The following CADM2 variants were observed in gnomAD, a reference collection of about 807,000 sequenced individuals.
CADM2 encodes cell adhesion molecule 2.
CADM2 carries 12 observed loss-of-function variants against 49.8 expected under a neutral mutation model. That is an observed-to-expected ratio of 0.24 (90% CI 0.15 to 0.39). CADM2 has a LOEUF of 0.39. Among genes scored for constraint, CADM2 ranks in the 10% least tolerant of loss-of-function variants. The pLI, the probability that CADM2 is intolerant of heterozygous loss-of-function variation, is 1.00. For missense variants in CADM2, 378 were observed against 492.3 expected (o/e 0.77, Z 2.20); for synonymous variants, 214 against 175.4 (o/e 1.22, Z -1.74).
chr3:85,961,493 G>A lies in CADM2; in HGVS notation c.816G>A (p.Lys272=), dbSNP rs1209547799. The A allele has an allele frequency of 6.2e-7, 1 of 1,604,764 alleles. No individual in the cohort carries two copies. The highest frequency in any genetic ancestry group is 1.1e-5 in the South Asian group (1 of 90,110). Residue 272 remains lysine, a synonymous_variant, in exon 8 of 10, where the codon AAG becomes AAA. Coordinates refer to ENST00000383699, the MANE Select transcript of CADM2 (RefSeq NM_001167675.2). ...KPLPEPVLWT[K]DGGELPDPDR... is the part of the protein sequence containing the mutation. ...GGCCAGAACCTGTTTTGTGGACAAA[G>A]GATGGCGGAGAATTACCAGATCCTG...
intron 1 of CADM2, among the ~76,000 whole-genome samples, chr3:85,218,809 A>G (rs2041987084): frequency 6.6e-6 from 1 of 152,166 alleles, no homozygotes; most frequent in African/African-American, 2.4e-5. Flanking sequence ...ATAAATAAAT[A>G]AAATTGTGTG....
chr3:85,290,878 C>G (rs143816937), intron 1 of CADM2, among the ~76,000 whole-genome samples: 1 of 152,176 alleles, frequency 6.6e-6, no homozygotes, highest in Non-Finnish European at 1.5e-5. Flanking sequence ...AAAAGCAGAG[C>G]GCCTCTCCTT....
At chr3:85,939,465 GAA>G (rs1491581148) in intron 7 of CADM2, among the ~76,000 whole-genome samples, 2 of 45,852 alleles carry the variant, frequency 4.4e-5, no homozygotes, top group Admixed American at 2.4e-4. Flanking sequence ...AAAAGTAAAC[GAA>G]AACACACACA....
chr3:85,797,595 T>C (rs2108055478), intron 2 of CADM2, among the ~76,000 whole-genome samples: 1 of 152,038 alleles, frequency 6.6e-6, no homozygotes, highest in South Asian at 2.1e-4. Context: ...AACTCATCCT[T>C]TTTTTATGGC....
chr3:85,070,988 CAATAAATAAATAAATA>C (rs375122307), intron 1 of CADM2, among the ~76,000 whole-genome samples: 4 of 143,306 alleles, frequency 2.8e-5, no homozygotes, highest in African/African-American at 5.2e-5. Flanking sequence ...AACTCTGTCT[CAATAAATAAATAAATA>C]AATAAATAAA....
intron 1 of CADM2, among the ~76,000 whole-genome samples, chr3:85,235,581 T>A (rs547907027): frequency 6.6e-6 from 1 of 152,150 alleles, no homozygotes; most frequent in Non-Finnish European, 1.5e-5. Context: ...TACAAAGATA[T>A]GTATAGACAT....
intron 1 of CADM2, among the ~76,000 whole-genome samples, chr3:85,215,546 C>T (rs1199164904): frequency 3.3e-5 from 5 of 151,714 alleles, no homozygotes; most frequent in South Asian, 2.1e-4. Context: ...CTGGGGTTGG[C>T]GGAGAGGTAA....
At chr3:85,945,578 C>T (rs943211477) in intron 7 of CADM2, among the ~76,000 whole-genome samples, 10 of 152,114 alleles carry the variant, frequency 6.6e-5, no homozygotes, top group Non-Finnish European at 1.5e-4. Context: ...AGCTTATCTA[C>T]CATGATCAAG....
chr3:85,982,756 TTATTTA>T (rs2108675384), intron 8 of CADM2, among the ~76,000 whole-genome samples: 1 of 151,780 alleles, frequency 6.6e-6, no homozygotes, highest in African/African-American at 2.4e-5. Flanking sequence ...TGAAAATCAT[TTATTTA>T]TAAGTTTGTG....
intron 1 of CADM2, among the ~76,000 whole-genome samples, chr3:85,521,617 T>C (rs568879497): frequency 6.6e-6 from 1 of 152,264 alleles, no homozygotes; most frequent in Non-Finnish European, 1.5e-5. Context: ...CAAAATGGAT[T>C]TTTAAAGCCC....
intron 3 of CADM2, among the ~76,000 whole-genome samples, chr3:85,808,760 T>G (rs1577360266): frequency 6.6e-6 from 1 of 152,268 alleles, no homozygotes; most frequent in Non-Finnish European, 1.5e-5. Flanking sequence ...GAAATCAAAA[T>G]AAAAATTTAT....
rs115741571 is a variant in CADM2 at position 85,318,515 on chromosome 3, T to G, written c.61+358847T>G. ...TGCCAAAAACCAAACAGAAAAAAAA[T>G]TAATAGCAACCAAATATAAAAGATA... On this transcript the variant is annotated intron_variant, in intron 1 of 9. Transcript: ENST00000383699. Among the ~76,000 whole-genome samples the G allele has an allele frequency of 2.7e-3, 404 of 151,872 alleles. 2 individuals carry two copies. Among genetic ancestry groups the G allele is most frequent in the African/African-American group, 9.3e-3 (386 of 41,442 alleles).
intron 1 of CADM2, among the ~76,000 whole-genome samples, chr3:85,724,562 A>G (rs2067619829): frequency 1.3e-5 from 2 of 152,022 alleles, no homozygotes; most frequent in Admixed American, 1.3e-4. Context: ...CTACATAAAA[A>G]TATGCAACTA....
intron 1 of CADM2, among the ~76,000 whole-genome samples, chr3:85,295,215 G>T (rs964839937): frequency 3.9e-5 from 6 of 152,144 alleles, no homozygotes; most frequent in African/African-American, 1.4e-4. Context: ...GGCCATCAGA[G>T]AAATGCAAAT....
intron 1 of CADM2, among the ~76,000 whole-genome samples, chr3:85,143,962 C>T (rs1207511080): frequency 2.6e-5 from 4 of 152,154 alleles, no homozygotes; most frequent in Non-Finnish European, 4.4e-5. Flanking sequence ...TTCAGTTATA[C>T]TCCTACCAGC....
At chr3:85,541,034 G>A (rs182541443) in intron 1 of CADM2, among the ~76,000 whole-genome samples, 1 of 151,756 alleles carries the variant, frequency 6.6e-6, no homozygotes, top group Admixed American at 6.6e-5. Flanking sequence ...GCAGGTTATG[G>A]CTTCAATATG....
chr3:85,484,660 C>G (rs2039344796), intron 1 of CADM2, among the ~76,000 whole-genome samples: 1 of 151,858 alleles, frequency 6.6e-6, no homozygotes, highest in African/African-American at 2.4e-5. Context: ...AAACCGTATT[C>G]CTGCTTTCTT....
At chr3:85,685,096 CA>C (rs762920632) in intron 1 of CADM2, among the ~76,000 whole-genome samples, 2 of 152,132 alleles carry the variant, frequency 1.3e-5, no homozygotes, top group Non-Finnish European at 2.9e-5. Flanking sequence ...ACTACAAATA[CA>C]AAAAATTATC....
intron 6 of CADM2, among the ~76,000 whole-genome samples, chr3:85,921,727 T>C (rs1394747440): frequency 1.3e-5 from 2 of 151,918 alleles, no homozygotes; most frequent in Non-Finnish European, 2.9e-5. Flanking sequence ...GGTTTTGACA[T>C]GTGTATAATG....
Sources: allele counts gnomAD v4.1 joint callset (sites outside exome capture counted in the v4.1 genomes callset), GRCh38; gene constraint gnomAD v4.1.1; transcripts MANE v1.5; gene names NCBI Gene and HGNC (gene_info 2026-07-23, HGNC 2026-07-21).